Variants in NDST4 observed in about 807,000 individuals in gnomAD.
NDST4 encodes N-deacetylase and N-sulfotransferase 4, also known as N-heparan sulfate sulfotransferase 4.
Under a neutral mutation model 100.8 loss-of-function variants are expected in NDST4, and 63 were observed. That is an observed-to-expected ratio of 0.62 (90% CI 0.51 to 0.77). The LOEUF is 0.77. NDST4 is among the 30% of genes least tolerant of loss of function. NDST4 has a pLI of 0.00. For synonymous variants in NDST4, 377 were observed against 361.8 expected (o/e 1.04, Z -0.48); for missense variants, 943 against 1,018.4 (o/e 0.93, Z 1.01).
Position 114,992,188 on chromosome 4 carries a change from C to G in NDST4, c.979-14914G>C, listed in dbSNP as rs537257236. ...TTTTCCCTAATTTCCTTTTTCTGTTCCAGGATCCCATCAGGATAACACATT... is the reference window on the plus strand; with the variant it reads ...TTTTCCCTAATTTCCTTTTTCTGTTGCAGGATCCCATCAGGATAACACATT... On this transcript the variant is annotated intron_variant, in intron 2 of 13. Transcript: ENST00000264363. Among the ~76,000 whole-genome samples the G allele has an allele frequency of 5.3e-5, 8 of 151,470 alleles. No homozygotes were observed. In the East Asian group the frequency reaches 1.5e-3, roughly 29 times the overall value.
At chr4:114,949,097 T>C (rs1368500478) in intron 4 of NDST4, among the ~76,000 whole-genome samples, 4 of 152,022 alleles carry the variant, frequency 2.6e-5, no homozygotes, top group South Asian at 2.1e-4. Context: ...GGGTGATCAC[T>C]GAAACAGTGA....
chr4:114,901,133 C>T (rs1372580091), intron 6 of NDST4, among the ~76,000 whole-genome samples: 4 of 151,802 alleles, frequency 2.6e-5, no homozygotes, highest in East Asian at 3.9e-4. Flanking sequence ...TGTTTGATGA[C>T]GTAGTCCTAT....
chr4:115,039,520 G>A (rs1186472501), intron 2 of NDST4, among the ~76,000 whole-genome samples: 2 of 152,104 alleles, frequency 1.3e-5, no homozygotes, highest in Non-Finnish European at 2.9e-5. Context: ...AGATGTGTGT[G>A]CATTATTCCT....
intron 2 of NDST4, among the ~76,000 whole-genome samples, chr4:115,030,215 G>C (rs973607129): frequency 6.6e-6 from 1 of 152,088 alleles, no homozygotes; most frequent in African/African-American, 2.4e-5. Flanking sequence ...ATTCTGGCTT[G>C]TCTACCAGCA....
At chr4:115,080,327 G>A (rs192065644) in intron 1 of NDST4, among the ~76,000 whole-genome samples, 11 of 152,150 alleles carry the variant, frequency 7.2e-5, no homozygotes, top group African/African-American at 2.4e-4. Context: ...AGTAGAGACT[G>A]GGTTTCACCA....
chr4:115,064,174 T>C (rs963910509), intron 2 of NDST4, among the ~76,000 whole-genome samples: 6 of 152,026 alleles, frequency 3.9e-5, no homozygotes, highest in Non-Finnish European at 7.4e-5. Context: ...TTTTGAAAAG[T>C]ATATTTTTAA....
At position 114,934,562 on chromosome 4, in the gene NDST4, A is replaced by T. The variant is rs28700231; in HGVS notation, c.1536+644T>A. Among the ~76,000 whole-genome samples, 696 of 150,874 alleles carry T rather than the reference A, an allele frequency of 4.6e-3. 9 individuals carry two copies. The highest frequency in any genetic ancestry group is 0.013 in the African/African-American group (533 of 41,206). ...GAGCGAGACTGCCTCTCAAAAAAAAAAAAATAAAATAAAAATAAAAAAAAT... is the reference window on the plus strand; with the variant it reads ...GAGCGAGACTGCCTCTCAAAAAAAATAAAATAAAATAAAAATAAAAAAAAT... On this transcript the variant is annotated intron_variant, in intron 6 of 13. Coordinates refer to ENST00000264363, the MANE Select transcript of NDST4 (RefSeq NM_022569.3).
At chr4:114,875,301 A>G (rs1373262404) in intron 6 of NDST4, among the ~76,000 whole-genome samples, 1 of 152,140 alleles carries the variant, frequency 6.6e-6, no homozygotes, top group Non-Finnish European at 1.5e-5. Flanking sequence ...AACAAGTCTA[A>G]ACTTTCTTAT....
chr4:115,023,410 G>A lies in NDST4; in HGVS notation c.979-46136C>T, dbSNP rs141164381. Among the ~76,000 whole-genome samples, 1,184 of 151,212 alleles carry A rather than the reference G, an allele frequency of 7.8e-3. 11 individuals are homozygous for A. The highest frequency in any genetic ancestry group is 0.025 in the African/African-American group (1,012 of 41,142). ...TGAGGCAGGAGAATCACTTGAACCC[G>A]GGAAGCAGAGGTTGCAGTGAGCCGA... On this transcript the variant is annotated intron_variant, in intron 2 of 13. Transcript: ENST00000264363.
At chr4:114,942,103 T>G (rs1301177647) in intron 4 of NDST4, among the ~76,000 whole-genome samples, 1 of 152,226 alleles carries the variant, frequency 6.6e-6, no homozygotes, top group Non-Finnish European at 1.5e-5. Context: ...TTAAATGTCA[T>G]GCACTGAGTA....
intron 7 of NDST4, among the ~76,000 whole-genome samples, chr4:114,857,725 T>C (rs1405933781): frequency 6.6e-6 from 1 of 152,170 alleles, no homozygotes; most frequent in East Asian, 1.9e-4. Context: ...TTGTTTGCTT[T>C]GTGGATAGAC....
rs140207154 is a variant in NDST4, at chr4:115,077,048, A to G, written c.-12T>C. The G allele has an allele frequency of 6.4e-4, 1,011 of 1,575,144 alleles. 6 individuals are homozygous for G. In the African/African-American group the frequency reaches 0.012, roughly 19 times the overall value. On this transcript the variant is annotated 5_prime_UTR_variant, in exon 2 of 14. Coordinates refer to ENST00000264363, the MANE Select transcript of NDST4 (RefSeq NM_022569.3). ...ACAATAAGATTCATTTTTTAGAATA[A>G]TGTTTTGGAAGCTTTTTCCCAATTT...
chr4:115,038,444 T>G (rs1728279293), intron 2 of NDST4, among the ~76,000 whole-genome samples: 1 of 152,114 alleles, frequency 6.6e-6, no homozygotes, highest in African/African-American at 2.4e-5. Context: ...TCTGGTTTTC[T>G]GCAGTAAAAG....
chr4:114,981,594 T>C (rs1726774288), intron 2 of NDST4, among the ~76,000 whole-genome samples: 2 of 152,182 alleles, frequency 1.3e-5, no homozygotes, highest in South Asian at 2.1e-4. Context: ...TTGGAGACTA[T>C]AAAATGAAAA....
intron 4 of NDST4, among the ~76,000 whole-genome samples, chr4:114,949,482 A>T (rs761769051): frequency 6.6e-6 from 1 of 152,010 alleles, no homozygotes; most frequent in Non-Finnish European, 1.5e-5. Flanking sequence ...GGGAACCTGT[A>T]GAGTAGTGGT....
intron 7 of NDST4, among the ~76,000 whole-genome samples, chr4:114,869,497 C>T (rs1361272602): frequency 6.6e-6 from 1 of 152,026 alleles, no homozygotes; most frequent in Non-Finnish European, 1.5e-5. Flanking sequence ...TTGTGGGACA[C>T]TTGCTTTGTC....
Position 115,045,917 on chromosome 4 carries a change from G to T in NDST4, c.978+30142C>A, listed in dbSNP as rs146690824. 2.7e-3 allele frequency among the ~76,000 whole-genome samples: 407 copies of T among 152,218 alleles called. 1 individual carries two copies. Among genetic ancestry groups the T allele is most frequent in the African/African-American group, 9.4e-3 (391 of 41,542 alleles). On this transcript the variant is annotated intron_variant, in intron 2 of 13. Coordinates refer to ENST00000264363, the MANE Select transcript of NDST4 (RefSeq NM_022569.3). ...ATTCTTGAAATGGCAAAGGATTAGG[G>T]TTATGAATAGTTGTAGTGGATCTGG...
chr4:115,067,998 GTT>G (rs34353236), intron 2 of NDST4, among the ~76,000 whole-genome samples: 4 of 149,688 alleles, frequency 2.7e-5, no homozygotes, highest in Non-Finnish European at 5.9e-5. Flanking sequence ...ACGGTGTTTG[GTT>G]TTTTGTCCTT....
At chr4:115,108,210 T>C (rs975369281) in intron 1 of NDST4, among the ~76,000 whole-genome samples, 1 of 152,218 alleles carries the variant, frequency 6.6e-6, no homozygotes, top group South Asian at 2.1e-4. Flanking sequence ...CTGCATCTGT[T>C]ACCTTTCCTT....
Sources: allele counts gnomAD v4.1 joint callset (sites outside exome capture counted in the v4.1 genomes callset), GRCh38; gene constraint gnomAD v4.1.1; transcripts MANE v1.5; gene names NCBI Gene and HGNC (gene_info 2026-07-23, HGNC 2026-07-21).